The following NEK5 variants were observed in gnomAD, a reference collection of about 807,000 sequenced individuals.
NEK5 encodes the protein serine/threonine-protein kinase Nek5.
A neutral mutation model predicts 109.2 loss-of-function variants in NEK5; 88 were observed. That is an observed-to-expected ratio of 0.81 (90% CI 0.68 to 0.96). NEK5 has a LOEUF of 0.96. Among genes scored for constraint, NEK5 ranks in the 40% least tolerant of loss-of-function variants. The pLI, the probability that NEK5 is intolerant of heterozygous loss-of-function variation, is 0.00. For synonymous variants in NEK5, 283 were observed against 299.9 expected (o/e 0.94, Z 0.58); for missense variants, 834 against 920.7 (o/e 0.91, Z 1.22).
At chr13:52,059,757 G>A (rs1954594580) in intron 22 of NEK5, among the ~76,000 whole-genome samples, 1 of 146,244 alleles carries the variant, frequency 6.8e-6, no homozygotes, top group South Asian at 2.3e-4. Context: ...TGAACAATAA[G>A]AACACATGGA....
Position 52,034,689 on chromosome 13 carries a change from C to A in NEK5, c.*2259G>T, listed in dbSNP as rs1954342053. On this transcript the variant is annotated 3_prime_UTR_variant, in exon 24 of 24. Transcript: ENST00000684899. Reference sequence around the variant, plus strand: ...CCAGAGGTGCACACCAACACACCAGCTAATTCTTTTTTTTTTTTTTTTTTT... The same window carrying A: ...CCAGAGGTGCACACCAACACACCAGATAATTCTTTTTTTTTTTTTTTTTTT... 7.4e-6 allele frequency: 1 copy of A among 135,996 alleles called. No individual in the cohort carries two copies. Among genetic ancestry groups the A allele is most frequent in the Non-Finnish European group, 1.6e-5 (1 of 62,814 alleles). The allele number at this position is 135,996 out of a possible 1,614,324, so 8.4% of individuals were successfully genotyped here.
At position 52,127,471 on chromosome 13, in the gene NEK5, G is replaced by C. The variant is rs1167337683; in HGVS notation, c.12C>G (p.Tyr4Ter). Residue 4 changes from tyrosine to a stop codon, truncating the protein, a stop_gained, in exon 3 of 24, where the codon TAC becomes TAG. Transcript: ENST00000684899. LOFTEE classifies it high-confidence loss of function. Reference sequence around the variant, plus strand: ...CTTGCCCGATGGCCTTAATCACATCGTACTTATCCATGGTCTCCAATGGGC... The same window carrying C: ...CTTGCCCGATGGCCTTAATCACATCCTACTTATCCATGGTCTCCAATGGGC... MDK[Y>*]DVIKAIGQGA... The C allele has an allele frequency of 6.3e-7, 1 of 1,595,532 alleles. No homozygotes were observed. The highest frequency in any genetic ancestry group is 2.2e-5 in the East Asian group (1 of 44,790).
At position 52,083,249 on chromosome 13, in the gene NEK5, G is replaced by A. The variant is rs780679306; in HGVS notation, c.1572+11C>T. The A allele has an allele frequency of 8.9e-6, 14 of 1,571,302 alleles. No homozygotes were observed. Among genetic ancestry groups the A allele is most frequent in the Non-Finnish European group, 1.2e-5 (14 of 1,141,080 alleles). ...CTGCAAGCACACACATCTGATCATA[G>A]CCATCATTACCTGCACAGGTGCTTC... On this transcript the variant is annotated intron_variant, in intron 17 of 23. Coordinates refer to ENST00000684899, the MANE Select transcript of NEK5 (RefSeq NM_001365552.1).
At chr13:52,056,644 C>G (rs1441577685) in intron 22 of NEK5, among the ~76,000 whole-genome samples, 1 of 149,300 alleles carries the variant, frequency 6.7e-6, no homozygotes, top group Non-Finnish European at 1.5e-5. Context: ...TTAAGAATCT[C>G]ACTCAAAACC....
chr13:52,080,448 AAG>A (rs1375984964), intron 17 of NEK5, among the ~76,000 whole-genome samples: 3 of 152,140 alleles, frequency 2.0e-5, no homozygotes, highest in African/African-American at 4.8e-5. Context: ...GTGGAATAGA[AAG>A]AGGGGAAAGG....
At chr13:52,065,199 A>T (rs1954667518) in intron 21 of NEK5, 2 of 507,088 alleles carry the variant, frequency 3.9e-6, no homozygotes, top group South Asian at 6.9e-5. Context: ...AAGGTAAATC[A>T]AGTCAGCTGT....
At chr13:52,054,189 C>T (rs1185641604) in intron 22 of NEK5, among the ~76,000 whole-genome samples, 1 of 152,158 alleles carries the variant, frequency 6.6e-6, no homozygotes, top group Non-Finnish European at 1.5e-5. Flanking sequence ...TTGGTGGTGA[C>T]TGCCTAACAT....
chr13:52,084,236 T>G (rs1315848059), intron 16 of NEK5, among the ~76,000 whole-genome samples: 1 of 152,164 alleles, frequency 6.6e-6, no homozygotes, highest in Non-Finnish European at 1.5e-5. Context: ...ATAATTGTAT[T>G]TTTTTATTTT....
At chr13:52,111,848 C>T (rs997084751) in intron 5 of NEK5, among the ~76,000 whole-genome samples, 1 of 152,184 alleles carries the variant, frequency 6.6e-6, no homozygotes, top group Non-Finnish European at 1.5e-5. Flanking sequence ...ATTGCCAAGA[C>T]AAGCTTCTAT....
chr13:52,079,824 T>C (rs1181770066), intron 17 of NEK5, among the ~76,000 whole-genome samples: 10 of 149,658 alleles, frequency 6.7e-5, no homozygotes, highest in African/African-American at 2.5e-4. Context: ...GGAGCGTCTC[T>C]GCCCCGCCGC....
Position 52,104,562 on chromosome 13 carries a change from A to G in NEK5, c.555-10T>C, listed in dbSNP as rs1166131083. On this transcript the variant is annotated splice_polypyrimidine_tract_variant and intron_variant, in intron 8 of 23. Transcript: ENST00000684899. The stretch of plus-strand genomic sequence containing the variant: ...AAGAGACCAAATATCCCTAAAGAAG[A>G]TAAGAGTTTACATGCCAAGAAAATA... 2.5e-6 allele frequency: 4 copies of G among 1,588,486 alleles called. No individual in the cohort carries two copies. The highest frequency in any genetic ancestry group is 3.5e-6 in the Non-Finnish European group (4 of 1,157,166).
chr13:52,060,566 G>A (rs1045392115), intron 22 of NEK5, among the ~76,000 whole-genome samples: 53 of 152,064 alleles, frequency 3.5e-4, no homozygotes, highest in East Asian at 1.9e-4. Context: ...GGCTGGTCTC[G>A]AACTCCTGAC....
At chr13:52,075,269 C>T (rs190008722) in intron 19 of NEK5, among the ~76,000 whole-genome samples, 3 of 152,266 alleles carry the variant, frequency 2.0e-5, no homozygotes, top group African/African-American at 7.2e-5. Flanking sequence ...GGTACATATA[C>T]ACCATGGGAT....
rs577511068 is a variant in NEK5 at position 52,054,231 on chromosome 13, T to C, written c.2111-4010A>G. Among the ~76,000 whole-genome samples, 4 of 152,300 alleles carry C rather than the reference T, an allele frequency of 2.6e-5. No individual in the cohort carries two copies. The East Asian group carries it at 5.8e-4, about 22-fold the overall frequency. ...ACTGTAGAAATGATTAATAAAGAAATAAGATGATGGCTAGATTTGTCCAAT... is the reference window on the plus strand; with the variant it reads ...ACTGTAGAAATGATTAATAAAGAAACAAGATGATGGCTAGATTTGTCCAAT... On this transcript the variant is annotated intron_variant, in intron 22 of 23. Transcript: ENST00000684899.
chr13:52,114,036 C>G (rs1955804794), intron 4 of NEK5, among the ~76,000 whole-genome samples: 1 of 152,218 alleles, frequency 6.6e-6, no homozygotes, highest in Non-Finnish European at 1.5e-5. Context: ...TTTGTTATAG[C>G]TGCTGGAATA....
chr13:52,089,138 A>G (rs1012569045), intron 14 of NEK5, 109 bp downstream of exon 14: 22 of 696,726 alleles, frequency 3.2e-5, no homozygotes, highest in African/African-American at 9.0e-5. Flanking sequence ...GGGGACTAGT[A>G]GAGAGTATTC....
chr13:52,048,405 T>G (rs1345168994), intron 23 of NEK5, among the ~76,000 whole-genome samples: 1 of 151,938 alleles, frequency 6.6e-6, no homozygotes, highest in East Asian at 1.9e-4. Flanking sequence ...GACCCCCATC[T>G]CTATAAAAAA....
rs1954491785 is a variant in NEK5, at chr13:52,050,156, C to T, written c.2176G>A (p.Gly726Ser). 1 of 985,664 alleles carries T rather than the reference C, an allele frequency of 1.0e-6. No homozygotes were observed. Among genetic ancestry groups the T allele is most frequent in the South Asian group, 4.7e-5 (1 of 21,292 alleles). 61.1% of individuals were successfully genotyped at this position (985,664 alleles called of 1,614,324 possible). A position where few individuals can be genotyped will look rare whatever the true frequency, so the allele number is the denominator to read the frequency against. Reference protein sequence around the residue: ...EDEGKVEMVSGIEVDEEQLEP... With the variant: ...EDEGKVEMVSSIEVDEEQLEP... ...AGTTGTTCCTCATCTACTTCAATGC[C>T]AGAGACCATTTCTACCTTCCCTTCA... Residue 726 changes from glycine (G) to serine (S), a missense_variant, in exon 23 of 24, where the codon GGC becomes AGC. This residue lies in a region of NEK5 where 57 missense variants were observed against 96.0 expected (regional missense o/e 0.59). Coordinates refer to ENST00000684899, the MANE Select transcript of NEK5 (RefSeq NM_001365552.1).
intron 17 of NEK5, among the ~76,000 whole-genome samples, chr13:52,079,366 A>AG (rs1954929305): frequency 6.8e-6 from 1 of 146,654 alleles, no homozygotes; most frequent in African/African-American, 2.6e-5. Context: ...GCTGGACTGT[A>AG]CTGCTGCCAT....
Sources: allele counts gnomAD v4.1 joint callset (sites outside exome capture counted in the v4.1 genomes callset), GRCh38; gene constraint gnomAD v4.1.1; regional missense constraint gnomAD v4.1.1; transcripts MANE v1.5; gene names NCBI Gene and HGNC (gene_info 2026-07-23, HGNC 2026-07-21).